Variants in KIAA0513 observed in about 807,000 individuals in gnomAD.
The protein encoded by KIAA0513 is KIAA0513, also known as uncharacterized protein KIAA0513.
KIAA0513 carries 39 observed loss-of-function variants against 56.5 expected under a neutral mutation model. The observed-to-expected ratio is 0.69, with a 90% CI of 0.53 to 0.90. KIAA0513 has a LOEUF of 0.90. KIAA0513 is among the 40% of genes least tolerant of loss of function. The pLI is 0.00. For missense variants in KIAA0513, 591 were observed against 535.2 expected, an observed-to-expected ratio of 1.10 and a Z score of -1.03; for synonymous variants, 268 against 215.6, an observed-to-expected ratio of 1.24 and a Z score of -2.13.
chr16:85,038,579 GCA>G (rs1283030535), intron 1 of KIAA0513, among the ~76,000 whole-genome samples: 2 of 151,682 alleles, frequency 1.3e-5, no homozygotes, highest in African/African-American at 4.8e-5. Context: ...GTGGTGGTGG[GCA>G]CCTGTAATCC....
chr16:85,029,484 A>T (rs1258435138), intron 1 of KIAA0513, among the ~76,000 whole-genome samples: 1 of 152,238 alleles, frequency 6.6e-6, no homozygotes, highest in Non-Finnish European at 1.5e-5. Flanking sequence ...CGATTTCCAT[A>T]GATATTGAAT....
chr16:85,065,189 T>C (rs1231043256), intron 1 of KIAA0513, among the ~76,000 whole-genome samples: 2 of 152,234 alleles, frequency 1.3e-5, no homozygotes, highest in Admixed American at 1.3e-4. Flanking sequence ...TTTTCTGTTC[T>C]TTGGTGAGTG....
chr16:85,050,419 G>A (rs946877631), intron 1 of KIAA0513, among the ~76,000 whole-genome samples: 4 of 150,354 alleles, frequency 2.7e-5, no homozygotes, highest in Admixed American at 1.3e-4. Flanking sequence ...GCGCAATCTC[G>A]GCTCACTGCA....
chr16:85,069,026 T>G (rs2073532176), intron 2 of KIAA0513, among the ~76,000 whole-genome samples: 1 of 152,004 alleles, frequency 6.6e-6, no homozygotes, highest in Admixed American at 6.6e-5. Context: ...GGTGTGCTCA[T>G]AAGGAGCAGA....
intron 1 of KIAA0513, among the ~76,000 whole-genome samples, chr16:85,045,516 C>G (rs1261695292): frequency 6.6e-6 from 1 of 152,158 alleles, no homozygotes; most frequent in African/African-American, 2.4e-5. Flanking sequence ...CCATCATGCC[C>G]AGCTAATTTT....
At chr16:85,058,420 G>A (rs546313118) in intron 1 of KIAA0513, among the ~76,000 whole-genome samples, 4 of 152,258 alleles carry the variant, frequency 2.6e-5, no homozygotes, top group South Asian at 4.1e-4. Context: ...TAGGGAGGCC[G>A]AAGCAGGTGG....
intron 1 of KIAA0513, among the ~76,000 whole-genome samples, chr16:85,062,307 A>G (rs2073417809): frequency 6.6e-6 from 1 of 152,168 alleles, no homozygotes; most frequent in Non-Finnish European, 1.5e-5. Context: ...GATGCTCAGT[A>G]CATGTGTGAA....
In KIAA0513 at chr16:85,063,842, T is replaced by G. The variant is rs533296015; in HGVS notation, c.-172-3058T>G. ...TCTCACTTCAGTATTCGCAGGCCTCTGAACAGGGGGTGGCAAGCAGGAGCA... is the reference window on the plus strand; with the variant it reads ...TCTCACTTCAGTATTCGCAGGCCTCGGAACAGGGGGTGGCAAGCAGGAGCA... On this transcript the variant is annotated intron_variant, in intron 1 of 12. Transcript: ENST00000683363. Among the ~76,000 whole-genome samples, 13 of 152,166 alleles carry G rather than the reference T, an allele frequency of 8.5e-5. No homozygotes were observed. In the East Asian group the frequency reaches 2.1e-3, roughly 25 times the overall value.
intron 1 of KIAA0513, among the ~76,000 whole-genome samples, chr16:85,037,406 C>T (rs1026764644): frequency 6.6e-6 from 1 of 152,224 alleles, no homozygotes; most frequent in African/African-American, 2.4e-5. Context: ...AAATGGGACC[C>T]TGAAAGGAGG....
intron 1 of KIAA0513, among the ~76,000 whole-genome samples, chr16:85,036,342 C>A (rs564796686): frequency 8.8e-4 from 134 of 152,312 alleles, no homozygotes; most frequent in Non-Finnish European, 1.5e-3. Flanking sequence ...GCCCCTGCCT[C>A]CCAAACTGGC....
At chr16:85,068,686 C>T (rs1053961126) in intron 2 of KIAA0513, among the ~76,000 whole-genome samples, 2 of 152,104 alleles carry the variant, frequency 1.3e-5, no homozygotes, top group South Asian at 2.1e-4. Flanking sequence ...AGGCTGGTCT[C>T]GAACTCCTGA....
chr16:85,051,591 C>G (rs1402810915), intron 1 of KIAA0513, among the ~76,000 whole-genome samples: 1 of 152,202 alleles, frequency 6.6e-6, no homozygotes, highest in Admixed American at 6.5e-5. Flanking sequence ...AGCTTTCCTT[C>G]TGAGCCACAT....
At position 85,090,994 on chromosome 16, in the gene KIAA0513, A is replaced by AG. The variant is rs2073861972; in HGVS notation, c.*2673dup. On this transcript the variant is annotated 3_prime_UTR_variant, in exon 13 of 13. Transcript: ENST00000683363. Reference sequence around the variant, plus strand: ...TCCCTGCGTGGGGAGGTGTCACACCAGGGGCACACCCAGGGCCACCTGGGT... The same window carrying AG: ...TCCCTGCGTGGGGAGGTGTCACACCAGGGGGCACACCCAGGGCCACCTGGGT... 1 of 152,262 alleles carries AG rather than the reference A, an allele frequency of 6.6e-6. No individual in the cohort carries two copies. The highest frequency in any genetic ancestry group is 1.9e-4 in the East Asian group (1 of 5,194). The allele number at this position is 152,262 out of a possible 1,614,324, so 9.4% of individuals were successfully genotyped here. A position where few individuals can be genotyped will look rare whatever the true frequency, so the allele number is the denominator to read the frequency against.
chr16:85,082,646 G>A (rs540363514), intron 10 of KIAA0513, 53 bp downstream of exon 10: 2 of 1,572,030 alleles, frequency 1.3e-6, no homozygotes, highest in African/African-American at 1.3e-5. Flanking sequence ...CTCCTGCGAA[G>A]GCCACTGCAG....
At chr16:85,087,841 G>A (rs2073827176) in intron 12 of KIAA0513, among the ~76,000 whole-genome samples, 1 of 152,256 alleles carries the variant, frequency 6.6e-6, no homozygotes, top group African/African-American at 2.4e-5. Context: ...GAGTGCCAGT[G>A]GCTGCTGGAC....
intron 10 of KIAA0513, among the ~76,000 whole-genome samples, chr16:85,085,188 G>A (rs1384846542): frequency 6.6e-6 from 1 of 152,240 alleles, no homozygotes; most frequent in Non-Finnish European, 1.5e-5. Context: ...AAGACAGTAG[G>A]AAGGAAATGG....
rs1025540610 is a variant in KIAA0513, at chr16:85,091,978, T to C, written c.*3653T>C. On this transcript the variant is annotated 3_prime_UTR_variant, in exon 13 of 13. Transcript: ENST00000683363. ...TTTTTTTTAGACGGAGTTTTGCTCT[T>C]GTTGCCCAGGCTGGAGTGCAGTGAC... The C allele has an allele frequency of 3.3e-5, 5 of 151,532 alleles. No individual in the cohort carries two copies. Among genetic ancestry groups the C allele is most frequent in the Non-Finnish European group, 5.8e-5 (4 of 68,440 alleles). The allele number at this position is 151,532 out of a possible 1,614,324, so 9.4% of individuals were successfully genotyped here.
chr16:85,045,308 T>C (rs1247747101), intron 1 of KIAA0513, among the ~76,000 whole-genome samples: 2 of 152,132 alleles, frequency 1.3e-5, no homozygotes, highest in East Asian at 3.9e-4. Context: ...CACTCACTGT[T>C]CTTTGGGGGA....
At chr16:85,075,573 C>G (rs561709654) in intron 4 of KIAA0513, among the ~76,000 whole-genome samples, 1 of 152,298 alleles carries the variant, frequency 6.6e-6, no homozygotes, top group Non-Finnish European at 1.5e-5. Flanking sequence ...TCCTGGGCGT[C>G]AAGTTGAGCT....
Sources: allele counts gnomAD v4.1 joint callset (sites outside exome capture counted in the v4.1 genomes callset), GRCh38; gene constraint gnomAD v4.1.1; transcripts MANE v1.5; gene names NCBI Gene and HGNC (gene_info 2026-07-23, HGNC 2026-07-21).